GNAO1: variants seen among roughly 807,000 people sequenced by gnomAD.
GNAO1 encodes G protein subunit alpha o1, also known as guanine nucleotide-binding protein G(o) subunit alpha.
For synonymous variants in GNAO1, 164 were observed against 180.7 expected, an observed-to-expected ratio of 0.91 and a Z score of 0.74; for missense variants, 166 against 478.7, an observed-to-expected ratio of 0.35 and a Z score of 6.10.
intron 3 of GNAO1, among the ~76,000 whole-genome samples, chr16:56,320,859 C>T (rs2617838): frequency 1.3e-5 from 2 of 152,222 alleles, no homozygotes; most frequent in African/African-American, 4.8e-5. Context: ...GAGGGACCCA[C>T]TCCTTCATGC....
chr16:56,282,926 C>T (rs1370918700), intron 3 of GNAO1, among the ~76,000 whole-genome samples: 2 of 148,728 alleles, frequency 1.3e-5, no homozygotes, highest in Non-Finnish European at 1.5e-5. Flanking sequence ...TCTCCAGGCC[C>T]CTCAGGAAGA....
intron 2 of GNAO1, among the ~76,000 whole-genome samples, chr16:56,255,134 G>A (rs2036834938): frequency 6.6e-6 from 1 of 152,122 alleles, no homozygotes. Context: ...CTTGTAGTAT[G>A]TCCCTTCTAT....
At chr16:56,269,932 T>A (rs1405303020) in intron 2 of GNAO1, among the ~76,000 whole-genome samples, 1 of 152,096 alleles carries the variant, frequency 6.6e-6, no homozygotes, top group Non-Finnish European at 1.5e-5. Context: ...TCTGTGACCA[T>A]ATAAGGCCAG....
intron 2 of GNAO1, among the ~76,000 whole-genome samples, chr16:56,267,611 G>A (rs1244437469): frequency 6.6e-6 from 1 of 152,164 alleles, no homozygotes; most frequent in Non-Finnish European, 1.5e-5. Flanking sequence ...TGTTTCCTGA[G>A]AGGCCGGTCC....
At chr16:56,328,925 G>A (rs1388670617) in intron 4 of GNAO1, 134 bp downstream of exon 4, 8 of 821,726 alleles carry the variant, frequency 9.7e-6, no homozygotes, top group Non-Finnish European at 1.3e-5. Flanking sequence ...TCTCCCATAG[G>A]TAGAGGGTGT....
chr16:56,241,990 G>C (rs1267246541), intron 2 of GNAO1, among the ~76,000 whole-genome samples: 1 of 152,206 alleles, frequency 6.6e-6, no homozygotes, highest in East Asian at 1.9e-4. Context: ...CTAAATCCCA[G>C]GGTGGTCACT....
At chr16:56,212,775 A>G (rs1284418245) in intron 2 of GNAO1, among the ~76,000 whole-genome samples, 1 of 152,200 alleles carries the variant, frequency 6.6e-6, no homozygotes, top group Non-Finnish European at 1.5e-5. Flanking sequence ...AGAGTTCTTC[A>G]TTGTGCTTGT....
intron 2 of GNAO1, among the ~76,000 whole-genome samples, chr16:56,210,785 A>G (rs993061370): frequency 1.2e-4 from 19 of 152,170 alleles, no homozygotes; most frequent in African/African-American, 4.3e-4. Context: ...TTATTGTTGA[A>G]TTTTAAGAGT....
At chr16:56,270,209 C>A (rs1256037511) in intron 2 of GNAO1, 1 of 152,370 alleles carries the variant, frequency 6.6e-6, no homozygotes, top group Non-Finnish European at 1.5e-5. Flanking sequence ...TTTCCAGAGT[C>A]CAGCTGGCGG....
chr16:56,278,582 G>A (rs2037085732), intron 3 of GNAO1, among the ~76,000 whole-genome samples: 2 of 152,154 alleles, frequency 1.3e-5, no homozygotes, highest in African/African-American at 4.8e-5. Context: ...GCAGCTCAGA[G>A]CCAACATCCT....
chr16:56,332,019 C>T (rs2037693439), intron 4 of GNAO1, among the ~76,000 whole-genome samples: 1 of 152,198 alleles, frequency 6.6e-6, no homozygotes, highest in African/African-American at 2.4e-5. Flanking sequence ...GCAGATGCAG[C>T]TCCCCTGGCA....
chr16:56,192,423 C>T (rs2036185158), intron 1 of GNAO1, 70 bp downstream of exon 1: 1 of 1,032,660 alleles, frequency 9.7e-7, no homozygotes, highest in Non-Finnish European at 1.5e-6. Context: ...CCAGCTCCCC[C>T]ACCCCACTCG....
chr16:56,325,810 G>C (rs1406120958), intron 3 of GNAO1, among the ~76,000 whole-genome samples: 4 of 152,158 alleles, frequency 2.6e-5, no homozygotes, highest in Non-Finnish European at 1.5e-5. Context: ...CCAGCCTTGG[G>C]GACCTAAATA....
chr16:56,318,382 C>CGGCA (rs2037535465), intron 3 of GNAO1, among the ~76,000 whole-genome samples: 1 of 152,246 alleles, frequency 6.6e-6, no homozygotes, highest in Non-Finnish European at 1.5e-5. Flanking sequence ...AAGAGCAAGT[C>CGGCA]GGCAGCCCAA....
chr16:56,201,568 G>A (rs997832533), intron 2 of GNAO1, among the ~76,000 whole-genome samples: 4 of 152,218 alleles, frequency 2.6e-5, no homozygotes, highest in African/African-American at 9.7e-5. Flanking sequence ...GAGGTTGGGA[G>A]ACCAGATGGA....
intron 2 of GNAO1, among the ~76,000 whole-genome samples, chr16:56,203,747 C>CTTGTG (rs1213752351): frequency 1.3e-5 from 2 of 152,174 alleles, no homozygotes; most frequent in African/African-American, 4.8e-5. Context: ...TGACGAAAAG[C>CTTGTG]ACAAGGCCTT....
At chr16:56,279,150 A>T (rs1038594664) in intron 3 of GNAO1, among the ~76,000 whole-genome samples, 2 of 151,906 alleles carry the variant, frequency 1.3e-5, no homozygotes, top group East Asian at 3.9e-4. Flanking sequence ...CCAGCCTTGC[A>T]CTCTCCACAC....
intron 3 of GNAO1, among the ~76,000 whole-genome samples, chr16:56,286,085 T>A (rs1470018192): frequency 1.3e-5 from 2 of 152,110 alleles, no homozygotes; most frequent in South Asian, 2.1e-4. Flanking sequence ...ACAGCCAAGG[T>A]GGTATCTGCC....
intron 3 of GNAO1, among the ~76,000 whole-genome samples, chr16:56,312,702 AC>A: frequency 6.6e-6 from 1 of 152,310 alleles, no homozygotes; most frequent in Middle Eastern, 3.4e-3. Context: ...AATGAGCCGC[AC>A]CTCTGCAGGT....
Sources: allele counts gnomAD v4.1 joint callset (sites outside exome capture counted in the v4.1 genomes callset), GRCh38; gene constraint gnomAD v4.1.1; transcripts MANE v1.5; gene names NCBI Gene and HGNC (gene_info 2026-07-23, HGNC 2026-07-21).